The following SLC4A4 variants were observed in gnomAD, a reference collection of about 807,000 sequenced individuals.
SLC4A4 encodes solute carrier family 4 member 4.
SLC4A4 carries 27 observed loss-of-function variants against 111.5 expected under a neutral mutation model. That is an observed-to-expected ratio of 0.24 (90% CI 0.18 to 0.33). The LOEUF (loss-of-function observed/expected upper bound fraction) is 0.33, where lower values mean the gene tolerates loss of function less well. Among genes scored for constraint, SLC4A4 ranks in the 10% least tolerant of loss-of-function variants. SLC4A4 has a pLI of 1.00. For missense variants in SLC4A4, 909 were observed against 1,315.5 expected (o/e 0.69, Z 4.78); for synonymous variants, 443 against 463.4 (o/e 0.96, Z 0.57).
chr4:71,411,624 T>C (rs961652420), intron 7 of SLC4A4, among the ~76,000 whole-genome samples: 8 of 152,152 alleles, frequency 5.3e-5, no homozygotes, highest in Non-Finnish European at 1.2e-4. Flanking sequence ...GTTACAGTTT[T>C]AAAAAGCAGT....
intron 7 of SLC4A4, among the ~76,000 whole-genome samples, chr4:71,433,106 G>A (rs566784184): frequency 1.9e-3 from 287 of 152,104 alleles, no homozygotes; most frequent in African/African-American, 6.7e-3. Context: ...ACTGTGTTAA[G>A]CAGCCTTCAT....
intron 2 of SLC4A4, among the ~76,000 whole-genome samples, chr4:71,248,264 A>G (rs1438743846): frequency 6.6e-6 from 1 of 152,004 alleles, no homozygotes; most frequent in East Asian, 1.9e-4. Context: ...TCCTTTGAAA[A>G]GGGAAGGGAG....
At chr4:71,489,374 C>G (rs1729696783) in intron 15 of SLC4A4, among the ~76,000 whole-genome samples, 1 of 151,750 alleles carries the variant, frequency 6.6e-6, no homozygotes, top group Admixed American at 6.6e-5. Context: ...GTCAGACTGC[C>G]TGGTTCAAGT....
chr4:71,337,903 C>T (rs1728563236), intron 3 of SLC4A4, among the ~76,000 whole-genome samples: 1 of 151,896 alleles, frequency 6.6e-6, no homozygotes, highest in Non-Finnish European at 1.5e-5. Flanking sequence ...GATCTCGGCT[C>T]ACTGCAACCT....
chr4:71,562,651 A>C (rs1185609928), intron 23 of SLC4A4, among the ~76,000 whole-genome samples: 1 of 151,484 alleles, frequency 6.6e-6, no homozygotes, highest in East Asian at 2.0e-4. Context: ...GTGTCTTTGC[A>C]TGTGAGATGG....
chr4:71,462,629 G>A (rs894419740), intron 12 of SLC4A4, among the ~76,000 whole-genome samples: 3 of 151,824 alleles, frequency 2.0e-5, no homozygotes, highest in African/African-American at 7.3e-5. Context: ...GGCTGGTCTC[G>A]AACTCCTCAC....
chr4:71,113,586 G>A lies in SLC4A4; in HGVS notation c.-2+20794G>A, dbSNP rs373993885. Among the ~76,000 whole-genome samples the A allele has an allele frequency of 6.9e-4, 105 of 152,264 alleles. 3 individuals carry two copies. The South Asian group carries it at 0.018, about 27-fold the overall frequency. On this transcript the variant is annotated intron_variant, in intron 2 of 26. Coordinates refer to the SLC4A4 transcript ENST00000649996. ...CCCTGTGCACTTTCAACTGGACTCT[G>A]TTCCCTTTCCATCCTTAATTGCGGT...
Position 71,386,013 on chromosome 4 carries a change from GT to G in SLC4A4, c.731-11553del, listed in dbSNP as rs560393700. On this transcript the variant is annotated intron_variant, in intron 6 of 25. Coordinates refer to ENST00000264485, the MANE Select transcript of SLC4A4 (RefSeq NM_001098484.3). ...CAAATTAAGGTTAAAATTTTTTGGAGTTTTTTTTTTTGGCCCCAGCTTTTCT... is the reference window on the plus strand; with the variant it reads ...CAAATTAAGGTTAAAATTTTTTGGAGTTTTTTTTTTGGCCCCAGCTTTTCT... Among the ~76,000 whole-genome samples, 1,280 of 141,788 alleles carry G rather than the reference GT, an allele frequency of 9.0e-3. 16 individuals carry two copies. Among genetic ancestry groups the G allele is most frequent in the African/African-American group, 0.028 (1,080 of 39,098 alleles). The allele number at this position is 141,788 out of a possible 152,430, so 93.0% of individuals were successfully genotyped here. A position where few individuals can be genotyped will look rare whatever the true frequency, so the allele number is the denominator to read the frequency against.
At chr4:71,258,371 T>C in intron 3 of SLC4A4, among the ~76,000 whole-genome samples, 1 of 152,192 alleles carries the variant, frequency 6.6e-6, no homozygotes, top group East Asian at 1.9e-4. Context: ...CTAGTGCAGA[T>C]TCCCCTTCAT....
chr4:71,327,076 G>A (rs548783074), intron 3 of SLC4A4, among the ~76,000 whole-genome samples: 1 of 152,100 alleles, frequency 6.6e-6, no homozygotes, highest in South Asian at 2.1e-4. Flanking sequence ...TTTATATGTA[G>A]ACTTGTCATG....
chr4:71,553,270 C>T (rs1195390714), intron 20 of SLC4A4, among the ~76,000 whole-genome samples: 3 of 151,844 alleles, frequency 2.0e-5, no homozygotes, highest in Admixed American at 2.0e-4. Context: ...TTCTATGTTA[C>T]TGATACCTTC....
chr4:71,309,251 A>G (rs374119040), intron 3 of SLC4A4, among the ~76,000 whole-genome samples: 60 of 152,346 alleles, frequency 3.9e-4, no homozygotes, highest in African/African-American at 1.4e-3. Flanking sequence ...CCTAGGGCAG[A>G]GCACCTGGGA....
chr4:71,168,794 A>AT (rs1489911629), intron 2 of SLC4A4, among the ~76,000 whole-genome samples: 1 of 152,054 alleles, frequency 6.6e-6, no homozygotes, highest in African/African-American at 2.4e-5. Flanking sequence ...GATCTCATTC[A>AT]TTTTTAAGGC....
intron 3 of SLC4A4, among the ~76,000 whole-genome samples, chr4:71,299,846 AG>A (rs1238771644): frequency 6.6e-6 from 1 of 152,152 alleles, no homozygotes; most frequent in Non-Finnish European, 1.5e-5. Context: ...AGCCAGCCAG[AG>A]GGCGTTGGGG....
At chr4:71,473,246 T>C in intron 14 of SLC4A4, 1 of 611,942 alleles carries the variant, frequency 1.6e-6, no homozygotes, top group Non-Finnish European at 2.9e-6. Context: ...GGAATTCATG[T>C]GTACATTATT....
At chr4:71,197,575 A>G (rs780127087) in intron 1 of SLC4A4, among the ~76,000 whole-genome samples, 2 of 152,170 alleles carry the variant, frequency 1.3e-5, no homozygotes, top group Non-Finnish European at 2.9e-5. Flanking sequence ...GTTTTTCTGT[A>G]TGCTTTACTT....
At chr4:71,456,200 T>C (rs1726251372) in intron 12 of SLC4A4, among the ~76,000 whole-genome samples, 2 of 152,178 alleles carry the variant, frequency 1.3e-5, no homozygotes, top group African/African-American at 4.8e-5. Context: ...ATGGATTGTT[T>C]GAAAATACTG....
At chr4:71,384,357 A>G (rs903102998) in intron 6 of SLC4A4, among the ~76,000 whole-genome samples, 3 of 152,194 alleles carry the variant, frequency 2.0e-5, no homozygotes, top group South Asian at 2.1e-4. Context: ...TTATGGGTCC[A>G]GAGGTGTTTG....
rs73828909 is a variant in SLC4A4, at chr4:71,066,302, C to T, written c.-65+3514C>T. On this transcript the variant is annotated intron_variant, in intron 1 of 26. Coordinates refer to the SLC4A4 transcript ENST00000649996. ...CTCTTTCATACCTTACATTTGTATA[C>T]GCTACTACAGGGCACAAAACATCAT... 4.4e-3 allele frequency among the ~76,000 whole-genome samples: 670 copies of T among 152,218 alleles called. 7 individuals are homozygous for T. Among genetic ancestry groups the T allele is most frequent in the African/African-American group, 0.016 (644 of 41,530 alleles).
Sources: allele counts gnomAD v4.1 joint callset (sites outside exome capture counted in the v4.1 genomes callset), GRCh38; gene constraint gnomAD v4.1.1; transcripts MANE v1.5; gene names NCBI Gene and HGNC (gene_info 2026-07-23, HGNC 2026-07-21).